CNTN4: variants seen among roughly 807,000 people sequenced by gnomAD.
CNTN4 encodes contactin-4.
Under a neutral mutation model 122.5 loss-of-function variants are expected in CNTN4, and 77 were observed. The observed-to-expected ratio is 0.63, with a 90% confidence interval of 0.52 to 0.76. The LOEUF (loss-of-function observed/expected upper bound fraction) is 0.76, where lower values mean the gene tolerates loss of function less well. Among genes scored for constraint, CNTN4 ranks in the 30% least tolerant of loss-of-function variants. The pLI, the probability that CNTN4 is intolerant of heterozygous loss-of-function variation, is 0.00. For missense variants in CNTN4, 1,256 were observed against 1,259.1 expected, an observed-to-expected ratio of 1.00 and a Z score of 0.04; for synonymous variants, 512 against 447.0, an observed-to-expected ratio of 1.15 and a Z score of -1.83.
At chr3:3,042,134 T>C (rs1700218618) in intron 20 of CNTN4, among the ~76,000 whole-genome samples, 176 bp from the exon 21 acceptor site, 1 of 152,184 alleles carries the variant, frequency 6.6e-6, no homozygotes, top group African/African-American at 2.4e-5. Context: ...TGGACAAATA[T>C]TCACTACCAC....
At chr3:2,208,349 G>T (rs2038456920) in intron 2 of CNTN4, among the ~76,000 whole-genome samples, 1 of 152,134 alleles carries the variant, frequency 6.6e-6, no homozygotes, top group African/African-American at 2.4e-5. Context: ...TGCTAATGTG[G>T]TTGAAAGAGC....
chr3:2,974,564 A>G lies in CNTN4; in HGVS notation c.1359-13781A>G, dbSNP rs539928718. Among the ~76,000 whole-genome samples, 4 of 152,318 alleles carry G rather than the reference A, an allele frequency of 2.6e-5. No homozygotes were observed. The South Asian group carries it at 6.2e-4, about 24-fold the overall frequency. Reference sequence around the variant, plus strand: ...CTCCCAAGTCACACGTCTAGCAGATAAAGAGGCAAAGATTTAGGCTGTCTT... The same window carrying G: ...CTCCCAAGTCACACGTCTAGCAGATGAAGAGGCAAAGATTTAGGCTGTCTT... On this transcript the variant is annotated intron_variant, in intron 13 of 24. Coordinates refer to ENST00000418658, the MANE Select transcript of CNTN4 (RefSeq NM_175607.3).
chr3:2,466,970 C>CTTTTTTTTTTTTTTTTTTTTT (rs60879017), intron 3 of CNTN4, among the ~76,000 whole-genome samples: 46 of 115,782 alleles, frequency 4.0e-4, no homozygotes, highest in African/African-American at 7.1e-4. Context: ...TTCTTTCTTT[C>CTTTTTTTTTTTTTTTTTTTTT]TTTTTTTTTT....
At chr3:3,001,583 C>G (rs163353) in intron 14 of CNTN4, among the ~76,000 whole-genome samples, 49,995 of 152,028 alleles carry the variant, frequency 0.33, 8,590 homozygotes, top group African/African-American at 0.43. Flanking sequence ...GGCATGTATT[C>G]TCTAAACTGA....
chr3:2,201,103 C>T (rs1418186779), intron 2 of CNTN4, among the ~76,000 whole-genome samples: 1 of 152,078 alleles, frequency 6.6e-6, no homozygotes, highest in African/African-American at 2.4e-5. Context: ...AATAGAGTAG[C>T]CTATTCTCCA....
At chr3:2,582,211 T>C (rs1436324273) in intron 4 of CNTN4, among the ~76,000 whole-genome samples, 4 of 152,230 alleles carry the variant, frequency 2.6e-5, no homozygotes, top group Non-Finnish European at 4.4e-5. Flanking sequence ...TACTGTCTCC[T>C]GAGAGACACT....
intron 3 of CNTN4, among the ~76,000 whole-genome samples, chr3:2,541,610 G>A (rs889205909): frequency 3.9e-5 from 6 of 152,038 alleles, no homozygotes; most frequent in Non-Finnish European, 5.9e-5. Context: ...CATTTTCTCA[G>A]GATATCTGAC....
At chr3:2,165,742 G>T (rs2036166381) in intron 2 of CNTN4, among the ~76,000 whole-genome samples, 1 of 151,612 alleles carries the variant, frequency 6.6e-6, no homozygotes, top group Non-Finnish European at 1.5e-5. Flanking sequence ...GTTTCTATGG[G>T]TTCAACTCTT....
chr3:2,574,098 C>A (rs968145149), intron 4 of CNTN4, among the ~76,000 whole-genome samples: 4 of 152,146 alleles, frequency 2.6e-5, no homozygotes, highest in Admixed American at 1.3e-4. Flanking sequence ...TGCCTGTAAT[C>A]CCAGCTACTT....
chr3:2,395,468 C>T (rs903897444), intron 3 of CNTN4, among the ~76,000 whole-genome samples: 2 of 152,110 alleles, frequency 1.3e-5, no homozygotes, highest in Non-Finnish European at 2.9e-5. Context: ...CTTTTAGGAT[C>T]ACATGGTACA....
chr3:2,885,549 A>G lies in CNTN4; in HGVS notation c.756-1491A>G, dbSNP rs2093963764. Among the ~76,000 whole-genome samples, 3 of 152,262 alleles carry G rather than the reference A, an allele frequency of 2.0e-5. No homozygotes were observed. In the South Asian group the frequency reaches 6.2e-4, roughly 32 times the overall value. ...CAATAGGTTGTGTCTCCCAAATTTTATGAGCTCATTATTTCTACTATCATT... is the reference window on the plus strand; with the variant it reads ...CAATAGGTTGTGTCTCCCAAATTTTGTGAGCTCATTATTTCTACTATCATT... On this transcript the variant is annotated intron_variant, in intron 9 of 24. Coordinates refer to ENST00000418658, the MANE Select transcript of CNTN4 (RefSeq NM_175607.3).
chr3:2,165,004 C>G (rs991512717), intron 2 of CNTN4, among the ~76,000 whole-genome samples: 2 of 152,084 alleles, frequency 1.3e-5, no homozygotes, highest in African/African-American at 4.8e-5. Flanking sequence ...TGCTACAAGA[C>G]TGGCCCTGGG....
chr3:2,887,504 C>G (rs913271520), intron 10 of CNTN4, among the ~76,000 whole-genome samples: 1 of 151,888 alleles, frequency 6.6e-6, no homozygotes, highest in African/African-American at 2.4e-5. Flanking sequence ...TGTTTTTCCT[C>G]TTTGCATCAA....
chr3:2,550,914 C>T (rs1456614961), intron 3 of CNTN4, among the ~76,000 whole-genome samples: 3 of 152,006 alleles, frequency 2.0e-5, no homozygotes, highest in African/African-American at 7.2e-5. Flanking sequence ...AACCCATGGA[C>T]ACAGGGAGGG....
intron 2 of CNTN4, among the ~76,000 whole-genome samples, chr3:2,280,916 C>A (rs2041691157): frequency 6.6e-6 from 1 of 152,174 alleles, no homozygotes; most frequent in Non-Finnish European, 1.5e-5. Flanking sequence ...TCCAACAGAG[C>A]CTTGGGATGA....
chr3:2,146,921 C>G (rs1467249690), intron 2 of CNTN4, among the ~76,000 whole-genome samples: 1 of 152,092 alleles, frequency 6.6e-6, no homozygotes, highest in Non-Finnish European at 1.5e-5. Flanking sequence ...CTCACTCTGT[C>G]GCCCAGGCTG....
At position 3,038,895 on chromosome 3, in the gene CNTN4, G is replaced by T. The variant is rs371760354; in HGVS notation, c.2093-38G>T. On this transcript the variant is annotated intron_variant, in intron 18 of 24. Transcript: ENST00000418658. ...ACCTTCCTGGCCCTCATTCGCCTTT[G>T]CCGCCTGACATAACTTGTTTTTTGT... 75 of 1,596,064 alleles carry T rather than the reference G, an allele frequency of 4.7e-5. No homozygotes were observed. The African/African-American group carries it at 9.6e-4, about 21-fold the overall frequency.
At chr3:2,943,740 T>C (rs149667239) in intron 13 of CNTN4, among the ~76,000 whole-genome samples, 11,579 of 151,134 alleles carry the variant, frequency 0.077, 512 homozygotes, top group Middle Eastern at 0.13. Context: ...TCACCTGCCT[T>C]AGCCTCCCCA....
At chr3:2,736,077 G>A (rs559295494) in intron 4 of CNTN4, 138 bp from the exon 5 acceptor site, 89 of 887,198 alleles carry the variant, frequency 1.0e-4, no homozygotes, top group Admixed American at 7.7e-4. Flanking sequence ...TTTTCTTCTA[G>A]AAGCTGAAAC....
Sources: gnomAD v4.1 joint callset for allele counts (sites outside exome capture counted in the v4.1 genomes callset) on GRCh38, gnomAD v4.1.1 for gene constraint, MANE v1.5 for transcripts, NCBI Gene and HGNC (gene_info 2026-07-23, HGNC 2026-07-21) for gene names.